The following TRMO variants were observed in gnomAD, a reference collection of about 807,000 sequenced individuals.
TRMO encodes the protein tRNA methyltransferase O.
A neutral mutation model predicts 37.2 loss-of-function variants in TRMO; 30 were observed. That is an observed-to-expected ratio of 0.81 (90% confidence interval 0.60 to 1.09). The LOEUF is 1.09. Among genes scored for constraint, TRMO ranks in the 50% least tolerant of loss-of-function variants. The pLI is 0.00. For missense variants in TRMO, 552 were observed against 549.5 expected, an observed-to-expected ratio of 1.00 and a Z score of -0.05; for synonymous variants, 239 against 199.4, an observed-to-expected ratio of 1.20 and a Z score of -1.67.
downstream of TRMO, among the ~76,000 whole-genome samples, chr9:97,901,558 G>GT (rs1831169479): frequency 6.6e-6 from 1 of 152,038 alleles, no homozygotes; most frequent in African/African-American, 2.4e-5. Context: ...GTATTTGTGT[G>GT]TGTGTGTACA....
intron 4 of TRMO, among the ~76,000 whole-genome samples, chr9:97,906,083 G>A (rs139394854): frequency 2.0e-3 from 306 of 151,940 alleles, no homozygotes; most frequent in Non-Finnish European, 3.0e-3. Flanking sequence ...ACTTGAACCC[G>A]GGAGGTGGAG....
At chr9:97,917,605 CT>C (rs1420554947) in intron 1 of TRMO, among the ~76,000 whole-genome samples, 4 of 151,934 alleles carry the variant, frequency 2.6e-5, no homozygotes, top group Non-Finnish European at 5.9e-5. Context: ...ACATATTTAC[CT>C]TCTTAAACAC....
intron 4 of TRMO, among the ~76,000 whole-genome samples, chr9:97,907,444 A>G (rs1164708174): frequency 6.6e-6 from 1 of 152,226 alleles, no homozygotes; most frequent in East Asian, 1.9e-4. Flanking sequence ...TGGATTATCA[A>G]AGCCAAATAC....
intron 1 of TRMO, among the ~76,000 whole-genome samples, chr9:97,920,722 T>A (rs1319704220): frequency 6.6e-6 from 1 of 152,204 alleles, no homozygotes; most frequent in Non-Finnish European, 1.5e-5. Flanking sequence ...TAAGTTCAGG[T>A]CCTTTTCATT....
intron 1 of TRMO, among the ~76,000 whole-genome samples, chr9:97,922,053 G>T (rs1485732229): frequency 6.6e-6 from 1 of 151,938 alleles, no homozygotes; most frequent in Non-Finnish European, 1.5e-5. Context: ...CATTCCTACA[G>T]CGCAGGATGC....
At position 97,922,473 on chromosome 9, in the gene TRMO, C is replaced by CG; in HGVS notation, c.20dup (p.Pro9AlafsTer12). ...ACGGGGTCGCTGTAGGCCGAGGCCC[C>CG]GACTCCTCCAAGCCGCGCATGGCTA... On this transcript the variant is annotated frameshift_variant, in exon 1 of 5. Transcript: ENST00000375119. LOFTEE classifies it high-confidence loss of function. 6.3e-7 allele frequency: 1 copy of CG among 1,584,926 alleles called. No individual in the cohort carries two copies. Among genetic ancestry groups the CG allele is most frequent in the Non-Finnish European group, 8.6e-7 (1 of 1,167,004 alleles).
Position 97,916,286 on chromosome 9 carries a change from C to T in TRMO, c.129G>A (p.Lys43=). The T allele has an allele frequency of 7.4e-6, 12 of 1,613,634 alleles. No homozygotes were observed. Among genetic ancestry groups the T allele is most frequent in the Non-Finnish European group, 1.0e-5 (12 of 1,179,796 alleles). The stretch of plus-strand genomic sequence containing the variant: ...TGGATGGCTGTCTTGGAGTACCATT[C>T]TTGGCCGAGAAACAAGATTCCAAGT... The part of the protein sequence containing the change: ...VGYLESCFSA[K]NGTPRQPSIC... The change falls in exon 2 of 5, where the codon AAG becomes AAA. Residue 43 remains lysine, a synonymous_variant. Transcript: ENST00000375119.
Position 97,904,500 on chromosome 9 carries a change from T to C in TRMO, c.*233A>G. On this transcript the variant is annotated 3_prime_UTR_variant, in exon 5 of 5. Coordinates refer to ENST00000375119, the MANE Select transcript of TRMO (RefSeq NM_016481.5). ...TTATCGAGACAGCATCACCTTTTGA[T>C]TCTTTAATATCAACAGATCAAAAAG... 7.5e-7 allele frequency: 1 copy of C among 1,324,938 alleles called. No homozygotes were observed. Among genetic ancestry groups the C allele is most frequent in the Non-Finnish European group, 9.6e-7 (1 of 1,039,218 alleles). 82.1% of individuals were successfully genotyped at this position (1,324,938 alleles called of 1,614,324 possible).
At chr9:97,901,940 A>C (rs987395410), downstream of TRMO, among the ~76,000 whole-genome samples, 2 of 152,220 alleles carry the variant, frequency 1.3e-5, no homozygotes, top group African/African-American at 2.4e-5. Flanking sequence ...AAATGCTCAT[A>C]TGGAGACTCA....
intron 1 of TRMO, among the ~76,000 whole-genome samples, chr9:97,919,410 GAAAGA>G (rs969715934): frequency 6.7e-5 from 10 of 150,264 alleles, no homozygotes; most frequent in African/African-American, 2.4e-4. Context: ...AAAGAAAAAG[GAAAGA>G]AAAGAAAGGA....
rs758621616 is a variant in TRMO, at chr9:97,910,037, G to A, written c.989C>T (p.Thr330Ile). Reference sequence around the variant, plus strand: ...TTCTAAAGTGGCCACAGGAGCCTCTGTCACCCAGGCAGGAACCACGCTGCG... The same window carrying A: ...TTCTAAAGTGGCCACAGGAGCCTCTATCACCCAGGCAGGAACCACGCTGCG... ...APRSVVPAWV[T>I]EAPVATLEVR... The change falls in exon 4 of 5, where the codon ACA becomes ATA. Residue 330 changes from threonine to isoleucine, a missense_variant. Physicochemically the swap from Thr to Ile is moderately conservative, Grantham distance 89. Transcript: ENST00000375119. 1.2e-6 allele frequency: 2 copies of A among 1,609,308 alleles called. No homozygotes were observed. The highest frequency in any genetic ancestry group is 3.4e-5 in the Admixed American group (2 of 59,532).
In TRMO at chr9:97,904,845, T is replaced by C. The variant is rs748349714; in HGVS notation, c.1214A>G (p.His405Arg). 1.2e-6 allele frequency: 2 copies of C among 1,614,070 alleles called. No individual in the cohort carries two copies. The highest frequency in any genetic ancestry group is 1.7e-5 in the Admixed American group (1 of 60,008). ...RLFYFTVDIA[H>R]VTCWFGDGFA... ...GCCATCACCAAACCAGCAAGTGACA[T>C]GCGCTATGTCTACAGTAAAGTAGAA... The change falls in exon 5 of 5, where the codon CAT becomes CGT. Residue 405 changes from histidine to arginine, a missense_variant. Physicochemically the swap from His to Arg is conservative, Grantham distance 29. Coordinates refer to ENST00000375119, the MANE Select transcript of TRMO (RefSeq NM_016481.5).
chr9:97,915,467 A>G (rs1325627380), intron 2 of TRMO, among the ~76,000 whole-genome samples: 1 of 152,224 alleles, frequency 6.6e-6, no homozygotes, highest in East Asian at 1.9e-4. Context: ...ATAATTTACA[A>G]AAATGGGCCA....
chr9:97,898,296 C>T, the TRMO span, among the ~76,000 whole-genome samples: 2 of 152,168 alleles, frequency 1.3e-5, no homozygotes, highest in African/African-American at 2.4e-5. Flanking sequence ...AGGGTAAATG[C>T]TGGAGAGTCA....
Position 97,910,564 on chromosome 9 carries a change from T to A in TRMO, c.462A>T (p.Leu154=), listed in dbSNP as rs1294714759. Residue 154 remains leucine, a synonymous_variant, in exon 4 of 5, where the codon CTA becomes CTT. Transcript: ENST00000375119. ...ACTCAGCTATGTAGGGCTTGATGTC[T>A]AGTACGGGTGTGCCATGTATCATGT... ...GIDMIHGTPV[L]DIKPYIAEYD... 1.2e-6 allele frequency: 2 copies of A among 1,614,122 alleles called. No individual in the cohort carries two copies. The highest frequency in any genetic ancestry group is 1.7e-6 in the Non-Finnish European group (2 of 1,179,950).
At chr9:97,911,611 A>G (rs1826127668) in intron 3 of TRMO, 1 of 152,222 alleles carries the variant, frequency 6.6e-6, no homozygotes, top group Admixed American at 6.5e-5. Context: ...AACACATAAT[A>G]CATGTGTGTT....
the TRMO span, among the ~76,000 whole-genome samples, chr9:97,899,161 GA>G: frequency 6.6e-6 from 1 of 151,948 alleles, no homozygotes; most frequent in Non-Finnish European, 1.5e-5. Flanking sequence ...ATGAAATGCA[GA>G]GATTTTCCTG....
At chr9:97,908,285 G>C (rs369229175) in intron 4 of TRMO, among the ~76,000 whole-genome samples, 1 of 151,948 alleles carries the variant, frequency 6.6e-6, no homozygotes, top group Non-Finnish European at 1.5e-5. Flanking sequence ...GGTGGCGGGC[G>C]CCTGTAGTCC....
At chr9:97,899,133 C>G in the TRMO span, among the ~76,000 whole-genome samples, 1 of 151,960 alleles carries the variant, frequency 6.6e-6, no homozygotes, top group African/African-American at 2.4e-5. Context: ...CCACCGCACC[C>G]GGCCTATTTT....
Sources: allele counts gnomAD v4.1 joint callset (sites outside exome capture counted in the v4.1 genomes callset), GRCh38; gene constraint gnomAD v4.1.1; transcripts MANE v1.5; gene names NCBI Gene and HGNC (gene_info 2026-07-23, HGNC 2026-07-21).